Variants in LIN9 observed in about 807,000 individuals in gnomAD.
LIN9 encodes lin-9 DREAM MuvB core complex component.
LIN9 carries 18 observed loss-of-function variants against 78.0 expected under a neutral mutation model. The observed-to-expected ratio is 0.23, with a 90% confidence interval of 0.16 to 0.34. The LOEUF (loss-of-function observed/expected upper bound fraction) is 0.34, where lower values mean the gene tolerates loss of function less well. Among genes scored for constraint, LIN9 ranks in the 10% least tolerant of loss-of-function variants. The pLI is 1.00. For synonymous variants in LIN9, 192 were observed against 215.2 expected (o/e 0.89, Z 0.94); for missense variants, 451 against 644.1 (o/e 0.70, Z 3.25).
At chr1:226,306,926 G>A (rs551686213) in intron 1 of LIN9, among the ~76,000 whole-genome samples, 1 of 152,214 alleles carries the variant, frequency 6.6e-6, no homozygotes, top group Admixed American at 6.5e-5. Context: ...AAAATCCCTG[G>A]TTTCAACAAA....
At chr1:226,274,283 T>G (rs557398398) in intron 7 of LIN9, among the ~76,000 whole-genome samples, 1 of 152,380 alleles carries the variant, frequency 6.6e-6, no homozygotes, top group East Asian at 1.9e-4. Context: ...TATCATGTAA[T>G]GTAAAAAAGT....
intron 11 of LIN9, among the ~76,000 whole-genome samples, chr1:226,241,546 T>A (rs1263997067): frequency 6.6e-6 from 1 of 152,210 alleles, no homozygotes; most frequent in Non-Finnish European, 1.5e-5. Flanking sequence ...AATTGGGAGA[T>A]GGCTAATGCA....
intron 11 of LIN9, among the ~76,000 whole-genome samples, chr1:226,250,527 T>A (rs1417563253): frequency 3.9e-5 from 6 of 152,116 alleles, no homozygotes; most frequent in African/African-American, 1.5e-4. Flanking sequence ...CAATGAAGAT[T>A]TACTGTTGTA....
intron 6 of LIN9, among the ~76,000 whole-genome samples, chr1:226,282,772 G>A (rs997809133): frequency 6.6e-6 from 1 of 152,270 alleles, no homozygotes; most frequent in Admixed American, 6.5e-5. Context: ...AGTGAGCCAA[G>A]ATCGTGCCAC....
rs1558187339 is a variant in LIN9 at position 226,277,803 on chromosome 1, C to CAAA, written c.651_653dup (p.Pro217_Leu218insPhe). On this transcript the variant is annotated inframe_insertion, in exon 7 of 15. Coordinates refer to ENST00000681046, the MANE Select transcript of LIN9 (RefSeq NM_001366245.2). ...TAACTTTCGTTCCAATAACCAGAGG[C>CAAA]AAAGGAATTTCATCTGGGAGATCTT... is the stretch of plus-strand genomic sequence containing the variant. 1 of 1,613,726 alleles carries CAAA rather than the reference C, an allele frequency of 6.2e-7. No individual in the cohort carries two copies. Among genetic ancestry groups the CAAA allele is most frequent in the Non-Finnish European group, 8.5e-7 (1 of 1,179,858 alleles).
chr1:226,287,585 A>C, intron 5 of LIN9, 79 bp downstream of exon 5: 1 of 963,448 alleles, frequency 1.0e-6, no homozygotes, highest in Non-Finnish European at 1.5e-6. Flanking sequence ...GACCTATAGA[A>C]AATGTTGTAG....
chr1:226,308,981 G>A, intron 1 of LIN9, 128 bp downstream of exon 1: 2 of 909,102 alleles, frequency 2.2e-6, no homozygotes, highest in Non-Finnish European at 2.9e-6. Flanking sequence ...GGAGGACTAG[G>A]GGACCACAGT....
intron 7 of LIN9, among the ~76,000 whole-genome samples, chr1:226,272,308 G>A (rs890813456): frequency 2.6e-5 from 4 of 151,270 alleles, no homozygotes; most frequent in African/African-American, 4.9e-5. Context: ...TGCCTGCCTC[G>A]GCCTGCCAAA....
intron 4 of LIN9, among the ~76,000 whole-genome samples, chr1:226,292,598 T>A (rs1661863287): frequency 6.6e-6 from 1 of 152,000 alleles, no homozygotes; most frequent in South Asian, 2.1e-4. Context: ...GTACCACAGG[T>A]GCCCACCACC....
chr1:226,296,404 C>T (rs764589596), intron 3 of LIN9, among the ~76,000 whole-genome samples: 1 of 152,134 alleles, frequency 6.6e-6, no homozygotes, highest in Non-Finnish European at 1.5e-5. Flanking sequence ...ACTCTATCTG[C>T]TGTCAAAAAT....
intron 10 of LIN9, among the ~76,000 whole-genome samples, chr1:226,255,749 T>C (rs1447163709): frequency 2.0e-5 from 3 of 152,108 alleles, no homozygotes; most frequent in Non-Finnish European, 4.4e-5. Flanking sequence ...TTTTTCTTTT[T>C]TTTCTTCCAC....
intron 6 of LIN9, 100 bp downstream of exon 6, chr1:226,286,233 A>T: frequency 7.7e-7 from 1 of 1,306,482 alleles, no homozygotes; most frequent in Non-Finnish European, 1.0e-6. Flanking sequence ...GGCCTTAAGC[A>T]AATACCCCAT....
intron 4 of LIN9, among the ~76,000 whole-genome samples, chr1:226,294,263 G>A (rs542730131): frequency 1.2e-3 from 166 of 140,312 alleles, no homozygotes; most frequent in African/African-American, 4.2e-3. Flanking sequence ...AGCCAAGATC[G>A]TGCCAATGCA....
In LIN9 at chr1:226,290,452, T is replaced by C. The variant is rs374466728; in HGVS notation, c.265-2655A>G. ...ACCTCCCGGGTTCACGCCATTCTCC[T>C]GTCTCAGCCTCCCGAGTAGCTGGGA... On this transcript the variant is annotated intron_variant, in intron 4 of 14. Coordinates refer to ENST00000681046, the MANE Select transcript of LIN9 (RefSeq NM_001366245.2). Among the ~76,000 whole-genome samples, 629 of 152,020 alleles carry C rather than the reference T, an allele frequency of 4.1e-3. 25 individuals carry two copies. In the South Asian group the frequency reaches 0.075, roughly 18 times the overall value.
At chr1:226,299,045 AT>A (rs1436867154) in intron 2 of LIN9, among the ~76,000 whole-genome samples, 5 of 152,240 alleles carry the variant, frequency 3.3e-5, no homozygotes, top group Non-Finnish European at 5.9e-5. Context: ...TATTGTGAAA[AT>A]AAAGAGGGGT....
At chr1:226,261,901 T>C (rs1367381219) in intron 10 of LIN9, among the ~76,000 whole-genome samples, 1 of 152,070 alleles carries the variant, frequency 6.6e-6, no homozygotes, top group Non-Finnish European at 1.5e-5. Context: ...CAAGACAGTG[T>C]GGTAGTGGCA....
intron 10 of LIN9, among the ~76,000 whole-genome samples, chr1:226,261,223 G>A (rs1659566258): frequency 1.3e-5 from 2 of 151,794 alleles, no homozygotes; most frequent in Non-Finnish European, 2.9e-5. Context: ...ACTAAGATCA[G>A]GAAGAAGGCA....
At chr1:226,308,990 G>T in intron 1 of LIN9, 119 bp downstream of exon 1, 1 of 1,033,854 alleles carries the variant, frequency 9.7e-7, no homozygotes, top group Non-Finnish European at 1.3e-6. Context: ...GGGGACCACA[G>T]TGGGGCTGGC....
At chr1:226,294,582 A>AC (rs1662010276) in intron 4 of LIN9, among the ~76,000 whole-genome samples, 2 of 151,720 alleles carry the variant, frequency 1.3e-5, no homozygotes, top group African/African-American at 4.9e-5. Flanking sequence ...AAAAAAAAAA[A>AC]ACAAAAAAAA....
Sources: gnomAD v4.1 joint callset for allele counts (sites outside exome capture counted in the v4.1 genomes callset) on GRCh38, gnomAD v4.1.1 for gene constraint, MANE v1.5 for transcripts, NCBI Gene and HGNC (gene_info 2026-07-23, HGNC 2026-07-21) for gene names.